The following CNTNAP2 variants were observed in gnomAD, a reference collection of about 807,000 sequenced individuals.
CNTNAP2 encodes contactin-associated protein-like 2.
Under a neutral mutation model 155.2 loss-of-function variants are expected in CNTNAP2, and 98 were observed. The observed-to-expected ratio is 0.63, with a 90% CI of 0.54 to 0.75. The LOEUF (loss-of-function observed/expected upper bound fraction) is 0.75. CNTNAP2 is among the 30% of genes least tolerant of loss of function. The pLI, the probability that CNTNAP2 is intolerant of heterozygous loss-of-function variation, is 0.00. For missense variants in CNTNAP2, 1,727 were observed against 1,688.1 expected, an observed-to-expected ratio of 1.02 and a Z score of -0.40; for synonymous variants, 651 against 631.2, an observed-to-expected ratio of 1.03 and a Z score of -0.47.
chr7:146,852,665 A>G (rs912353343), intron 3 of CNTNAP2, among the ~76,000 whole-genome samples: 3 of 152,192 alleles, frequency 2.0e-5, no homozygotes, highest in Non-Finnish European at 4.4e-5. Context: ...TAATTTTTCT[A>G]TCAGCAAAGA....
chr7:147,295,283 GTGCACGTGTTGTGTGTGTGTGTT>G (rs774122706), intron 8 of CNTNAP2, among the ~76,000 whole-genome samples: 56 of 152,010 alleles, frequency 3.7e-4, no homozygotes, highest in Non-Finnish European at 7.1e-4. Context: ...GTGTGTGTGT[GTGCACGTGTTGTGTGTGTGTGTT>G]TGCATAGTAT....
At chr7:146,448,512 T>TA (rs1491365004) in intron 1 of CNTNAP2, among the ~76,000 whole-genome samples, 4 of 145,412 alleles carry the variant, frequency 2.8e-5, no homozygotes, top group African/African-American at 1.1e-4. Context: ...TTTGTTTTTG[T>TA]TTTTTTTTTA....
chr7:146,193,979 C>T (rs1364286318), intron 1 of CNTNAP2, among the ~76,000 whole-genome samples: 2 of 152,220 alleles, frequency 1.3e-5, no homozygotes, highest in African/African-American at 2.4e-5. Flanking sequence ...ACAAGAGTCA[C>T]CTTTATGCCA....
intron 1 of CNTNAP2, among the ~76,000 whole-genome samples, chr7:146,338,400 GT>G (rs1430910505): frequency 1.3e-5 from 2 of 152,070 alleles, no homozygotes; most frequent in Non-Finnish European, 2.9e-5. Context: ...TATCAGTCCT[GT>G]GTAAAGAGTG....
At position 147,733,131 on chromosome 7, in the gene CNTNAP2, G is replaced by T. The variant is rs1354339807; in HGVS notation, c.2098+93825G>T. 7.2e-5 allele frequency among the ~76,000 whole-genome samples: 11 copies of T among 152,300 alleles called. No homozygotes were observed. The East Asian group carries it at 2.1e-3, about 29-fold the overall frequency. ...CCATGCCTATGTCCTGAATGGTATT[G>T]CCTAGGTTTTCTTCTAAGGCTTTTA... On this transcript the variant is annotated intron_variant, in intron 13 of 23. Transcript: ENST00000361727.
chr7:146,185,131 A>G (rs1037372553), intron 1 of CNTNAP2, among the ~76,000 whole-genome samples: 11 of 152,200 alleles, frequency 7.2e-5, no homozygotes, highest in Non-Finnish European at 1.6e-4. Context: ...TATAAACCCT[A>G]GACTATAGCT....
At chr7:146,263,503 T>G (rs895426422) in intron 1 of CNTNAP2, among the ~76,000 whole-genome samples, 2 of 152,206 alleles carry the variant, frequency 1.3e-5, no homozygotes, top group African/African-American at 4.8e-5. Context: ...ATTCAGCTTT[T>G]TCTAACCTCA....
chr7:146,924,871 C>G (rs1052489437), intron 3 of CNTNAP2, among the ~76,000 whole-genome samples: 1 of 152,046 alleles, frequency 6.6e-6, no homozygotes, highest in Non-Finnish European at 1.5e-5. Flanking sequence ...ATAGAAGTTT[C>G]AACCCATAAC....
chr7:147,838,563 C>CA (rs1276411151), intron 13 of CNTNAP2, among the ~76,000 whole-genome samples: 1 of 152,178 alleles, frequency 6.6e-6, no homozygotes, highest in Non-Finnish European at 1.5e-5. Context: ...CTCTCAAGTT[C>CA]AAAGTTCCAC....
intron 3 of CNTNAP2, among the ~76,000 whole-genome samples, chr7:146,947,555 G>GTATATATATATATATA (rs1483517317): frequency 1.0e-4 from 4 of 39,430 alleles, no homozygotes; most frequent in African/African-American, 2.8e-4. Flanking sequence ...GTGTGTGTGT[G>GTATATATATATATATA]TGTATATATA....
In CNTNAP2 at chr7:147,395,992, T is replaced by A. The variant is rs527300572; in HGVS notation, c.1670+212T>A. Among the ~76,000 whole-genome samples the A allele has an allele frequency of 5.3e-5, 8 of 149,612 alleles. 1 individual carries two copies. The South Asian group carries it at 1.7e-3, about 31-fold the overall frequency. ...GGATATATATATCATATATCTATCA[T>A]GTATATCATATATAGCATATATATG... is the stretch of plus-strand genomic sequence containing the variant. On this transcript the variant is annotated intron_variant, in intron 10 of 23. Transcript: ENST00000361727.
intron 20 of CNTNAP2, among the ~76,000 whole-genome samples, chr7:148,261,380 G>A (rs376355833): frequency 5.9e-5 from 9 of 152,134 alleles, no homozygotes; most frequent in Non-Finnish European, 5.9e-5. Context: ...GGCTGGTCTC[G>A]AACTCCTGAC....
rs115126310 is a variant in CNTNAP2 at position 147,146,327 on chromosome 7, G to C, written c.1348+13818G>C. ...TGCCCCAGCAAGCCACCTAGCCTGTGGAGCAGAGTGACAAACAGCTCCACT... is the reference window on the plus strand; with the variant it reads ...TGCCCCAGCAAGCCACCTAGCCTGTCGAGCAGAGTGACAAACAGCTCCACT... On this transcript the variant is annotated intron_variant, in intron 8 of 23. Transcript: ENST00000361727. The C allele has an allele frequency of 5.7e-3, 880 of 153,696 alleles. 3 individuals carry two copies. Among genetic ancestry groups the C allele is most frequent in the African/African-American group, 0.02 (824 of 41,606 alleles). 9.5% of individuals were successfully genotyped at this position (153,696 alleles called of 1,614,324 possible). A position where few individuals can be genotyped will look rare whatever the true frequency, so the allele number is the denominator to read the frequency against.
At chr7:146,987,764 G>C (rs1174484069) in intron 3 of CNTNAP2, among the ~76,000 whole-genome samples, 1 of 152,020 alleles carries the variant, frequency 6.6e-6, no homozygotes, top group Non-Finnish European at 1.5e-5. Flanking sequence ...AGGGACAAGT[G>C]GAAAGTTACT....
rs1315151889 is a variant in CNTNAP2 at position 147,426,198 on chromosome 7, A to T, written c.1670+30418A>T. Among the ~76,000 whole-genome samples, 9 of 151,746 alleles carry T rather than the reference A, an allele frequency of 5.9e-5. No individual in the cohort carries two copies. In the South Asian group the frequency reaches 1.0e-3, roughly 18 times the overall value. ...CCAAATGTGCTTTTTTATTTTTTTAAATAAAAAAGAGCCTAAATAGAAATC... is the reference window on the plus strand; with the variant it reads ...CCAAATGTGCTTTTTTATTTTTTTATATAAAAAAGAGCCTAAATAGAAATC... On this transcript the variant is annotated intron_variant, in intron 10 of 23. Transcript: ENST00000361727.
rs77313737 is a variant in CNTNAP2 at position 146,182,233 on chromosome 7, A to G, written c.97+65260A>G. Reference sequence around the variant, plus strand: ...GTGAGAAAAAGATTCTAGAGACAAGAGAATCTTTTTGTTTGTTTGTTTGAT... The same window carrying G: ...GTGAGAAAAAGATTCTAGAGACAAGGGAATCTTTTTGTTTGTTTGTTTGAT... On this transcript the variant is annotated intron_variant, in intron 1 of 23. Coordinates refer to ENST00000361727, the MANE Select transcript of CNTNAP2 (RefSeq NM_014141.6). Among the ~76,000 whole-genome samples the G allele has an allele frequency of 3.2e-3, 485 of 152,228 alleles. 1 individual carries two copies. The highest frequency in any genetic ancestry group is 4.5e-3 in the Non-Finnish European group (305 of 68,008).
chr7:146,538,983 G>A (rs1193779483), intron 1 of CNTNAP2, among the ~76,000 whole-genome samples: 1 of 152,134 alleles, frequency 6.6e-6, no homozygotes, highest in South Asian at 2.1e-4. Flanking sequence ...TTAACAGGGG[G>A]TAATGAAAAT....
intron 21 of CNTNAP2, among the ~76,000 whole-genome samples, chr7:148,289,998 T>C (rs1487872177): frequency 6.6e-6 from 1 of 152,210 alleles, no homozygotes; most frequent in Non-Finnish European, 1.5e-5. Context: ...GTGACATTAA[T>C]GAAAATTGTA....
chr7:146,573,568 T>C (rs1489484534), intron 1 of CNTNAP2, among the ~76,000 whole-genome samples: 1 of 152,198 alleles, frequency 6.6e-6, no homozygotes, highest in Non-Finnish European at 1.5e-5. Context: ...TGAGAAATTT[T>C]AAAATATCAT....
Sources: allele counts gnomAD v4.1 joint callset (sites outside exome capture counted in the v4.1 genomes callset), GRCh38; gene constraint gnomAD v4.1.1; transcripts MANE v1.5; gene names NCBI Gene and HGNC (gene_info 2026-07-23, HGNC 2026-07-21).